The following SRP54 variants were observed in gnomAD, a reference collection of about 807,000 sequenced individuals.
The protein encoded by SRP54 is signal recognition particle subunit SRP54.
A neutral mutation model predicts 64.8 loss-of-function variants in SRP54; 10 were observed. The ratio of observed to expected loss-of-function variants is 0.15; its 90% confidence interval spans 0.10 to 0.26. The LOEUF (loss-of-function observed/expected upper bound fraction) is 0.26. SRP54 is among the 10% of genes least tolerant of loss of function. The pLI, the probability that SRP54 is intolerant of heterozygous loss-of-function variation, is 1.00. For missense variants in SRP54, 325 were observed against 613.7 expected, an observed-to-expected ratio of 0.53 and a Z score of 4.97; for synonymous variants, 193 against 185.6, an observed-to-expected ratio of 1.04 and a Z score of -0.32.
intron 14 of SRP54, among the ~76,000 whole-genome samples, chr14:35,024,729 AT>A (rs1365380262): frequency 6.8e-6 from 1 of 147,134 alleles, no homozygotes; most frequent in African/African-American, 2.5e-5. Flanking sequence ...AGTTGTCACC[AT>A]TTTCTTCTTT....
chr14:35,014,505 C>T (rs969754960), intron 10 of SRP54, among the ~76,000 whole-genome samples: 2 of 152,024 alleles, frequency 1.3e-5, no homozygotes, highest in South Asian at 2.1e-4. Context: ...GTCTCAAACT[C>T]CTGACCTCAG....
chr14:35,022,982 C>T lies in SRP54; in HGVS notation c.1229C>T (p.Ser410Leu). The change falls in exon 14 of 16, where the codon TCG becomes TTG. Residue 410 changes from serine to leucine, a missense_variant. Ser to Leu is a moderately radical substitution (Grantham distance 145). Transcript: ENST00000216774. ...PGRIQRVARG[S>L]GVSTRDVQEL... ...AGAATCCAAAGAGTAGCAAGAGGATCGGGTGTATCAACAAGAGATGTTCAA... is the reference window on the plus strand; with the variant it reads ...AGAATCCAAAGAGTAGCAAGAGGATTGGGTGTATCAACAAGAGATGTTCAA... 1.9e-6 allele frequency: 3 copies of T among 1,613,764 alleles called. No individual in the cohort carries two copies. Among genetic ancestry groups the T allele is most frequent in the Non-Finnish European group, 2.5e-6 (3 of 1,179,920 alleles).
chr14:34,994,620 T>TA (rs1290360235), intron 1 of SRP54, among the ~76,000 whole-genome samples: 1 of 152,164 alleles, frequency 6.6e-6, no homozygotes, highest in African/African-American at 2.4e-5. Context: ...GTCCCAGACT[T>TA]ACCTCTCTCT....
chr14:34,998,011 A>G (rs762211666), intron 2 of SRP54, among the ~76,000 whole-genome samples: 11 of 152,130 alleles, frequency 7.2e-5, no homozygotes, highest in Non-Finnish European at 1.0e-4. Flanking sequence ...TTAAATTGGC[A>G]GCTTCTCTGT....
At chr14:35,011,477 G>GT (rs2044357197) in intron 7 of SRP54, 32 bp from the exon 8 acceptor site, 1 of 1,379,266 alleles carries the variant, frequency 7.3e-7, no homozygotes, top group African/African-American at 1.5e-5. Context: ...AAGTTTTGTC[G>GT]TTTTGTTAAA....
chr14:35,021,022 G>A (rs932904324), intron 13 of SRP54, among the ~76,000 whole-genome samples: 1 of 152,138 alleles, frequency 6.6e-6, no homozygotes, highest in African/African-American at 2.4e-5. Context: ...CTGTTGGAAG[G>A]AATATAATAT....
rs1034487728 is a variant in SRP54 at position 35,012,747 on chromosome 14, C to A, written c.637-599C>A. ...ATACTTCAAAACTGATACTCTGTAT[C>A]CCATTTTCGTTGTTATACATCTGAA... is the stretch of plus-strand genomic sequence containing the variant. On this transcript the variant is annotated intron_variant, in intron 8 of 15. Transcript: ENST00000216774. Among the ~76,000 whole-genome samples the A allele has an allele frequency of 3.9e-5, 6 of 152,190 alleles. 1 individual carries two copies. The South Asian group carries it at 1.2e-3, about 32-fold the overall frequency.
intron 9 of SRP54, 114 bp downstream of exon 9, chr14:35,013,608 G>A: frequency 1.5e-6 from 2 of 1,291,508 alleles, no homozygotes; most frequent in East Asian, 2.4e-5. Context: ...GCCTAATATG[G>A]TTTATAAAGA....
intron 10 of SRP54, 108 bp from the exon 11 acceptor site, chr14:35,014,636 C>T (rs902213322): frequency 3.6e-6 from 3 of 837,836 alleles, no homozygotes; most frequent in Non-Finnish European, 5.7e-6. Flanking sequence ...AGTAAGAATA[C>T]CTAACCTATT....
chr14:35,022,450 A>G (rs185821553), intron 13 of SRP54, among the ~76,000 whole-genome samples: 1 of 151,636 alleles, frequency 6.6e-6, no homozygotes, highest in Admixed American at 6.6e-5. Context: ...TCTGCCTCCC[A>G]GGTTCAAGCG....
intron 14 of SRP54, chr14:35,027,745 G>A (rs1462237670): frequency 6.4e-6 from 1 of 156,460 alleles, no homozygotes. Flanking sequence ...GACAGAGCAA[G>A]ACTCCATCTC....
At chr14:34,997,611 G>C (rs2044090877) in intron 2 of SRP54, among the ~76,000 whole-genome samples, 1 of 152,130 alleles carries the variant, frequency 6.6e-6, no homozygotes, top group African/African-American at 2.4e-5. Flanking sequence ...CTAACTTGGA[G>C]GTTAGAAAAC....
At chr14:35,019,102 C>T (rs1315954230) in intron 13 of SRP54, 28 bp downstream of exon 13, 1 of 1,501,258 alleles carries the variant, frequency 6.7e-7, no homozygotes, top group Non-Finnish European at 9.2e-7. Context: ...TTTCCTCAGG[C>T]AAAAATGTTC....
At chr14:34,988,578 A>AAAAAAATATATAT (rs1384552218) in intron 1 of SRP54, among the ~76,000 whole-genome samples, 1 of 47,104 alleles carries the variant, frequency 2.1e-5, no homozygotes, top group Non-Finnish European at 4.8e-5. Flanking sequence ...AAAAAAAAAA[A>AAAAAAATATATAT]ATATATATAT....
rs1291348692 is a variant in SRP54 at position 35,013,966 on chromosome 14, T to C, written c.886+64T>C. On this transcript the variant is annotated intron_variant, in intron 10 of 15. Coordinates refer to ENST00000216774, the MANE Select transcript of SRP54 (RefSeq NM_003136.4). ...AATACGATGTATCTTTAGGACAAAA[T>C]AGGATTTTAATTCTGTCCTCACTAA... 4.2e-6 allele frequency: 5 copies of C among 1,194,688 alleles called. No homozygotes were observed. The East Asian group carries it at 9.3e-5, about 22-fold the overall frequency. 74.0% of individuals were successfully genotyped at this position (1,194,688 alleles called of 1,614,324 possible). A position where few individuals can be genotyped will look rare whatever the true frequency, so the allele number is the denominator to read the frequency against.
At chr14:34,983,290 A>T (rs1402299873) in intron 1 of SRP54, 75 bp downstream of exon 1, 4 of 152,234 alleles carry the variant, frequency 2.6e-5, no homozygotes, top group African/African-American at 9.6e-5. Flanking sequence ...TCAGGAGGCG[A>T]GAGACTCCGG....
chr14:35,013,815 A>G lies in SRP54; in HGVS notation c.799A>G (p.Lys267Glu). ...GGALSAVAATKSPIIFIGTGE... is the reference protein window; with the variant it reads ...GGALSAVAATESPIIFIGTGE... ...TTTTTTTTCCAGAGTCGCTGCCACA[A>G]AAAGTCCGATTATTTTCATTGGTAC... The change falls in exon 10 of 16, where the codon AAA (lysine) becomes GAA (glutamate). Residue 267 changes from lysine to glutamate, a missense_variant. Physicochemically the swap from Lys to Glu is moderately conservative, Grantham distance 56. Coordinates refer to ENST00000216774, the MANE Select transcript of SRP54 (RefSeq NM_003136.4). The G allele has an allele frequency of 6.2e-7, 1 of 1,609,672 alleles. No homozygotes were observed. Among genetic ancestry groups the G allele is most frequent in the Non-Finnish European group, 8.5e-7 (1 of 1,178,970 alleles).
At chr14:35,010,137 G>A (rs1320614635) in intron 7 of SRP54, among the ~76,000 whole-genome samples, 2 of 151,156 alleles carry the variant, frequency 1.3e-5, no homozygotes, top group Non-Finnish European at 1.5e-5. Context: ...GACAGAGCTA[G>A]ACACCGTTTA....
At chr14:35,007,847 G>A (rs1436409304) in intron 5 of SRP54, among the ~76,000 whole-genome samples, 2 of 150,040 alleles carry the variant, frequency 1.3e-5, no homozygotes, top group African/African-American at 2.4e-5. Context: ...TTATAATTTT[G>A]TGTTACTTGA....
Sources: gnomAD v4.1 joint callset for allele counts (sites outside exome capture counted in the v4.1 genomes callset) on GRCh38, gnomAD v4.1.1 for gene constraint, MANE v1.5 for transcripts, NCBI Gene and HGNC (gene_info 2026-07-23, HGNC 2026-07-21) for gene names.